Variants in MAF observed in about 807,000 individuals in gnomAD.
MAF encodes the protein MAF bZIP transcription factor.
Under a neutral mutation model 22.0 loss-of-function variants are expected in MAF, and 10 were observed. The observed-to-expected ratio is 0.45, with a 90% CI of 0.28 to 0.77. The LOEUF is 0.77. Ranked by LOEUF, MAF falls within the 30% of genes least tolerant of loss-of-function variation. The probability of loss-of-function intolerance (pLI) is 0.12; values close to 1 mark genes in which losing one functional copy is unlikely to be tolerated. For synonymous variants in MAF, 337 were observed against 255.8 expected (o/e 1.32, Z -3.03); for missense variants, 544 against 548.4 (o/e 0.99, Z 0.08).
the MAF span, among the ~76,000 whole-genome samples, chr16:79,379,143 A>C: frequency 1.2e-4 from 19 of 152,222 alleles, no homozygotes; most frequent in Admixed American, 2.6e-4. Context: ...AGATCTCTGA[A>C]TCACAAATCC....
At chr16:79,332,631 A>G in the MAF span, among the ~76,000 whole-genome samples, 1 of 152,268 alleles carries the variant, frequency 6.6e-6, no homozygotes, top group Non-Finnish European at 1.5e-5. Context: ...AATATTTATC[A>G]AACATGCTAC....
the MAF span, among the ~76,000 whole-genome samples, chr16:79,291,255 C>T: frequency 2.0e-5 from 3 of 152,110 alleles, no homozygotes; most frequent in Middle Eastern, 3.2e-3. Flanking sequence ...TCCTGGCTTC[C>T]CCAAATCCCT....
At chr16:79,260,995 G>A in the MAF span, among the ~76,000 whole-genome samples, 1 of 151,686 alleles carries the variant, frequency 6.6e-6, no homozygotes, top group Non-Finnish European at 1.5e-5. Context: ...CAGGAGAGGA[G>A]GCTGTTCCAT....
the MAF span, among the ~76,000 whole-genome samples, chr16:79,463,443 T>G: frequency 4.6e-5 from 7 of 152,230 alleles, no homozygotes; most frequent in Non-Finnish European, 8.8e-5. Flanking sequence ...AATGACAATT[T>G]GATTTTAAAA....
the MAF span, among the ~76,000 whole-genome samples, chr16:79,473,833 A>G: frequency 6.6e-6 from 1 of 152,214 alleles, no homozygotes; most frequent in Non-Finnish European, 1.5e-5. Flanking sequence ...TTTGAGTTTT[A>G]AATTTAAAAA....
chr16:79,517,256 C>T, the MAF span, among the ~76,000 whole-genome samples: 1 of 152,220 alleles, frequency 6.6e-6, no homozygotes, highest in African/African-American at 2.4e-5. Flanking sequence ...TCCCACCTGG[C>T]TTCAGCCTAG....
At chr16:79,548,561 A>G in the MAF span, among the ~76,000 whole-genome samples, 2 of 152,216 alleles carry the variant, frequency 1.3e-5, no homozygotes, top group Non-Finnish European at 2.9e-5. Context: ...GTTGATGACC[A>G]TTAGTTACTC....
At chr16:79,550,150 G>A in the MAF span, among the ~76,000 whole-genome samples, 1 of 152,098 alleles carries the variant, frequency 6.6e-6, no homozygotes, top group African/African-American at 2.4e-5. Flanking sequence ...GCAGAGCCCA[G>A]TACTCTCCCT....
chr16:79,275,776 A>C, the MAF span, among the ~76,000 whole-genome samples: 29 of 152,336 alleles, frequency 1.9e-4, no homozygotes, highest in African/African-American at 6.7e-4. Context: ...GGAGAACCAT[A>C]GTGAAGTATC....
At chr16:79,343,870 A>T in the MAF span, among the ~76,000 whole-genome samples, 1 of 152,168 alleles carries the variant, frequency 6.6e-6, no homozygotes, top group African/African-American at 2.4e-5. Context: ...TTCTTGATAG[A>T]CAACCTCAGG....
At chr16:79,481,279 A>G in the MAF span, among the ~76,000 whole-genome samples, 3 of 151,546 alleles carry the variant, frequency 2.0e-5, no homozygotes, top group African/African-American at 7.3e-5. Flanking sequence ...TTATATATGT[A>G]TCATAAAATT....
the MAF span, among the ~76,000 whole-genome samples, chr16:79,570,002 G>C: frequency 1.5e-5 from 2 of 137,310 alleles, no homozygotes; most frequent in Admixed American, 7.5e-5. Context: ...CCCCACTCCT[G>C]TCTTTGTTCT....
At chr16:79,343,160 A>G in the MAF span, among the ~76,000 whole-genome samples, 2 of 152,174 alleles carry the variant, frequency 1.3e-5, no homozygotes, top group South Asian at 2.1e-4. Flanking sequence ...ACATTGTATC[A>G]TTCATGAAAT....
the MAF span, among the ~76,000 whole-genome samples, chr16:79,361,498 C>G: frequency 6.6e-6 from 1 of 152,190 alleles, no homozygotes; most frequent in Non-Finnish European, 1.5e-5. Flanking sequence ...ACATTTAGCA[C>G]TTTCCCCCGG....
the MAF span, among the ~76,000 whole-genome samples, chr16:79,358,811 C>T: frequency 6.6e-6 from 1 of 152,166 alleles, no homozygotes; most frequent in Non-Finnish European, 1.5e-5. Context: ...CAGATTCTTG[C>T]TCTGGAGCCC....
chr16:79,414,545 T>C, the MAF span, among the ~76,000 whole-genome samples: 6 of 152,182 alleles, frequency 3.9e-5, no homozygotes, highest in African/African-American at 7.2e-5. Context: ...CCACCTCCAA[T>C]ACTAGGGGTC....
the MAF span, among the ~76,000 whole-genome samples, chr16:79,357,692 G>A: frequency 6.6e-6 from 1 of 152,110 alleles, no homozygotes; most frequent in Non-Finnish European, 1.5e-5. Context: ...CATTGGCACT[G>A]CTTGGACTGG....
chr16:79,428,524 G>A, the MAF span, among the ~76,000 whole-genome samples: 3 of 152,260 alleles, frequency 2.0e-5, no homozygotes, highest in East Asian at 5.8e-4. Flanking sequence ...GAGAGAGAAA[G>A]AGACTCTTCC....
At chr16:79,292,838 T>C in the MAF span, among the ~76,000 whole-genome samples, 1 of 152,190 alleles carries the variant, frequency 6.6e-6, no homozygotes. Context: ...ATGCCAATTA[T>C]AATGCATTAG....
Sources: gnomAD v4.1 joint callset for allele counts (sites outside exome capture counted in the v4.1 genomes callset) on GRCh38, gnomAD v4.1.1 for gene constraint, MANE v1.5 for transcripts, NCBI Gene and HGNC (gene_info 2026-07-23, HGNC 2026-07-21) for gene names.